TENT4A: variants seen among roughly 807,000 people sequenced by gnomAD.
TENT4A encodes terminal nucleotidyltransferase 4A.
In TENT4A, 7 loss-of-function variants were observed where a neutral mutation model predicts 72.8. That is an observed-to-expected ratio of 0.10 (90% CI 0.05 to 0.18). TENT4A has a LOEUF of 0.18. Among genes scored for constraint, TENT4A ranks in the 10% least tolerant of loss-of-function variants. The pLI, the probability that TENT4A is intolerant of heterozygous loss-of-function variation, is 1.00. For synonymous variants in TENT4A, 456 were observed against 434.3 expected, an observed-to-expected ratio of 1.05 and a Z score of -0.62; for missense variants, 831 against 1,017.7, an observed-to-expected ratio of 0.82 and a Z score of 2.50.
chr5:6,733,462 A>T (rs923218993), intron 1 of TENT4A, among the ~76,000 whole-genome samples: 2 of 152,252 alleles, frequency 1.3e-5, no homozygotes, highest in African/African-American at 4.8e-5. Context: ...GATTTATTCT[A>T]TTATGATCAA....
chr5:6,755,112 A>G lies in TENT4A; in HGVS notation c.*167A>G, dbSNP rs1742623791. The G allele has an allele frequency of 3.8e-6, 2 of 529,854 alleles. No homozygotes were observed. Among genetic ancestry groups the G allele is most frequent in the Non-Finnish European group, 6.5e-6 (2 of 306,054 alleles). 32.8% of individuals were successfully genotyped at this position (529,854 alleles called of 1,614,324 possible). ...TCGTGTGGTGGTCGCGTCCATCTTC[A>G]AGAACAGCTCGTTGTGCTCATCTGT... On this transcript the variant is annotated 3_prime_UTR_variant, in exon 13 of 13. Transcript: ENST00000230859.
intron 1 of TENT4A, among the ~76,000 whole-genome samples, chr5:6,721,045 T>C (rs1740623618): frequency 6.6e-6 from 1 of 152,214 alleles, no homozygotes; most frequent in Admixed American, 6.5e-5. Flanking sequence ...CTCTGTCCCT[T>C]CCTGAGCCCC....
intron 11 of TENT4A, among the ~76,000 whole-genome samples, 185 bp from the exon 12 acceptor site, chr5:6,752,688 A>G (rs1742473376): frequency 6.6e-6 from 1 of 152,258 alleles, no homozygotes; most frequent in Admixed American, 6.5e-5. Context: ...TTGCTGTTTT[A>G]GAATACGAAG....
In TENT4A at chr5:6,754,748, C is replaced by T. The variant is rs1397072496; in HGVS notation, c.2185-3C>T. The T allele has an allele frequency of 6.4e-7, 1 of 1,567,266 alleles. No homozygotes were observed. Among genetic ancestry groups the T allele is most frequent in the East Asian group, 2.3e-5 (1 of 43,638 alleles). On this transcript the variant is annotated splice_polypyrimidine_tract_variant and splice_region_variant and intron_variant, in intron 12 of 12. Coordinates refer to ENST00000230859, the MANE Select transcript of TENT4A (RefSeq NM_006999.6). ...CAACACTGCTGTCTCTCTCTTTCTC[C>T]AGCAGCACAACGGCATGAAACTGTC...
intron 7 of TENT4A, 89 bp downstream of exon 7, chr5:6,746,516 C>CCAA: frequency 8.4e-6 from 10 of 1,190,408 alleles, no homozygotes; most frequent in Non-Finnish European, 1.2e-5. Context: ...TCTGAGAGCC[C>CCAA]CGGGCAGTTC....
At chr5:6,730,655 G>A (rs888462171) in intron 1 of TENT4A, among the ~76,000 whole-genome samples, 11 of 151,906 alleles carry the variant, frequency 7.2e-5, no homozygotes, top group Middle Eastern at 6.8e-3. Flanking sequence ...CAGAGTGGGC[G>A]GAACTGAGGC....
chr5:6,725,857 T>C (rs906541209), intron 1 of TENT4A, among the ~76,000 whole-genome samples: 5 of 152,206 alleles, frequency 3.3e-5, no homozygotes, highest in Non-Finnish European at 5.9e-5. Context: ...TGCCAAATTA[T>C]TAATTTTGCT....
chr5:6,739,692 G>T, intron 3 of TENT4A, 40 bp from the exon 4 acceptor site: 1 of 1,611,206 alleles, frequency 6.2e-7, no homozygotes, highest in Non-Finnish European at 8.5e-7. Context: ...GTAGGCTGTG[G>T]CGAGGGGAGC....
chr5:6,717,019 A>G lies in TENT4A; in HGVS notation c.716+2320A>G, dbSNP rs539053663. Reference sequence around the variant, plus strand: ...CTCTGCTTGGGCTGCTATTCCAGCTACTCTTTCAGAAGCAAACCTAAGCTG... The same window carrying G: ...CTCTGCTTGGGCTGCTATTCCAGCTGCTCTTTCAGAAGCAAACCTAAGCTG... On this transcript the variant is annotated intron_variant, in intron 1 of 12. Coordinates refer to ENST00000230859, the MANE Select transcript of TENT4A (RefSeq NM_006999.6). 3.3e-5 allele frequency among the ~76,000 whole-genome samples: 5 copies of G among 152,050 alleles called. No individual in the cohort carries two copies. The East Asian group carries it at 9.7e-4, about 29-fold the overall frequency.
intron 8 of TENT4A, 80 bp downstream of exon 8, chr5:6,748,670 A>C: frequency 7.2e-7 from 1 of 1,384,512 alleles, no homozygotes; most frequent in Non-Finnish European, 1.0e-6. Flanking sequence ...ATTTACCTCC[A>C]TGAAATTTAT....
chr5:6,735,499 C>T (rs1166651428), intron 1 of TENT4A, among the ~76,000 whole-genome samples: 2 of 152,126 alleles, frequency 1.3e-5, no homozygotes, highest in Non-Finnish European at 2.9e-5. Context: ...TGTTAACCTG[C>T]TAACGTGACA....
intron 11 of TENT4A, among the ~76,000 whole-genome samples, chr5:6,751,884 G>A (rs1188917705): frequency 6.6e-6 from 1 of 152,174 alleles, no homozygotes; most frequent in Non-Finnish European, 1.5e-5. Flanking sequence ...ATTTCTTGGA[G>A]TTTTGCACTC....
intron 1 of TENT4A, among the ~76,000 whole-genome samples, chr5:6,721,961 C>G (rs534675296): frequency 2.0e-5 from 3 of 152,066 alleles, no homozygotes; most frequent in African/African-American, 7.2e-5. Context: ...GGAATCCTGT[C>G]GATCTGAAGG....
Position 6,754,889 on chromosome 5 carries a change from A to T in TENT4A, c.2323A>T (p.Arg775Trp). The change falls in exon 13 of 13, where the codon AGG (arginine) becomes TGG (tryptophan). Residue 775 changes from arginine to tryptophan, a missense_variant. Around this residue, in one of 3 missense-constraint regions of TENT4A, gnomAD observed 332 missense variants for 324.3 expected, o/e 1.02. Coordinates refer to ENST00000230859, the MANE Select transcript of TENT4A (RefSeq NM_006999.6). ...CCACCAGTATAACCGCACCGGCTGGAGGAGGAAAAAACACACACACACACG... is the reference window on the plus strand; with the variant it reads ...CCACCAGTATAACCGCACCGGCTGGTGGAGGAAAAAACACACACACACACG... ...GHHQYNRTGW[R>W]RKKHTHTRDS... The T allele has an allele frequency of 6.2e-7, 1 of 1,606,128 alleles. No individual in the cohort carries two copies. The highest frequency in any genetic ancestry group is 1.1e-5 in the South Asian group (1 of 90,736).
intron 1 of TENT4A, among the ~76,000 whole-genome samples, chr5:6,733,635 A>C (rs1056054757): frequency 6.6e-6 from 1 of 152,248 alleles, no homozygotes; most frequent in Non-Finnish European, 1.5e-5. Flanking sequence ...GTATGTGAGA[A>C]CATAAGACTA....
In TENT4A at chr5:6,713,913, CTCGGGGCGCGGCGGGGGCGGGGCCGCG is replaced by C. The variant is rs1740221004; in HGVS notation, c.-62_-36del. ...TCCGTCCGTGCGCGCGCGGCCGGGC[CTCGGGGCGCGGCGGGGGCGGGGCCGCG>C]TCGGGGCGGGCGGGCGCGCGGGCCC... On this transcript the variant is annotated 5_prime_UTR_variant, in exon 1 of 13. Coordinates refer to ENST00000230859, the MANE Select transcript of TENT4A (RefSeq NM_006999.6). The C allele has an allele frequency of 4.7e-6, 3 of 642,956 alleles. No homozygotes were observed. In the South Asian group the frequency reaches 2.0e-4, roughly 43 times the overall value. The allele number at this position is 642,956 out of a possible 1,614,324, so 39.8% of individuals were successfully genotyped here.
intron 1 of TENT4A, among the ~76,000 whole-genome samples, chr5:6,726,036 C>G (rs1293962924): frequency 6.6e-6 from 1 of 152,128 alleles, no homozygotes; most frequent in Admixed American, 6.5e-5. Flanking sequence ...GTTGGAGGCT[C>G]AGCCTTTGTT....
At chr5:6,739,016 A>G (rs534104221) in intron 3 of TENT4A, among the ~76,000 whole-genome samples, 3 of 152,366 alleles carry the variant, frequency 2.0e-5, no homozygotes, top group South Asian at 2.1e-4. Flanking sequence ...AGTAAACGCA[A>G]TAGAAGACAT....
intron 3 of TENT4A, 60 bp downstream of exon 3, chr5:6,738,789 T>G: frequency 1.7e-6 from 2 of 1,189,936 alleles, no homozygotes; most frequent in Non-Finnish European, 2.5e-6. Flanking sequence ...CTATGCAATA[T>G]TAAGGGCTAC....
Sources: allele counts gnomAD v4.1 joint callset (sites outside exome capture counted in the v4.1 genomes callset), GRCh38; gene constraint gnomAD v4.1.1; regional missense constraint gnomAD v4.1.1; transcripts MANE v1.5; gene names NCBI Gene and HGNC (gene_info 2026-07-23, HGNC 2026-07-21).